PCDHA3: variants seen among roughly 807,000 people sequenced by gnomAD.
PCDHA3 encodes the protein protocadherin alpha-3.
PCDHA3 carries 41 observed loss-of-function variants against 62.2 expected under a neutral mutation model. That is an observed-to-expected ratio of 0.66 (90% CI 0.51 to 0.86). The LOEUF is 0.86. PCDHA3 is among the 40% of genes least tolerant of loss of function. The pLI is 0.00. For synonymous variants in PCDHA3, 640 were observed against 555.4 expected, an observed-to-expected ratio of 1.15 and a Z score of -2.14; for missense variants, 1,304 against 1,241.2, an observed-to-expected ratio of 1.05 and a Z score of -0.76.
At chr5:140,805,405 A>G in intron 1 of PCDHA3, 1 of 1,075,316 alleles carries the variant, frequency 9.3e-7, no homozygotes, top group Non-Finnish European at 1.1e-6. Context: ...TGATTCAGAA[A>G]TTTGGTGGGT....
At chr5:140,809,926 T>C (rs1764568017) in intron 1 of PCDHA3, 1 of 170,806 alleles carries the variant, frequency 5.9e-6, no homozygotes, top group Admixed American at 5.9e-5. Flanking sequence ...TAAAGCTCCA[T>C]AAATTGTATG....
chr5:140,862,327 A>G (rs1317111352), intron 1 of PCDHA3: 1 of 326,932 alleles, frequency 3.1e-6, no homozygotes, highest in Non-Finnish European at 6.0e-6. Context: ...TAATCAGTGT[A>G]ATTGACCCTA....
intron 1 of PCDHA3, among the ~76,000 whole-genome samples, chr5:140,826,973 A>G (rs1483658435): frequency 1.3e-5 from 2 of 152,200 alleles, no homozygotes; most frequent in South Asian, 2.1e-4. Context: ...GGAGTAATTT[A>G]AAAAGTAATA....
intron 1 of PCDHA3, among the ~76,000 whole-genome samples, chr5:140,891,953 T>G (rs1056816293): frequency 6.6e-6 from 1 of 152,238 alleles, no homozygotes; most frequent in African/African-American, 2.4e-5. Flanking sequence ...GCTCCAGAAT[T>G]GTGAGAAGTA....
intron 1 of PCDHA3, among the ~76,000 whole-genome samples, chr5:140,909,449 A>G (rs1301796561): frequency 1.3e-5 from 2 of 152,218 alleles, no homozygotes; most frequent in African/African-American, 4.8e-5. Flanking sequence ...GTCATTCTCC[A>G]AGATCCATCT....
At chr5:140,951,967 C>A (rs2094665815) in intron 1 of PCDHA3, among the ~76,000 whole-genome samples, 1 of 152,166 alleles carries the variant, frequency 6.6e-6, no homozygotes, top group South Asian at 2.1e-4. Context: ...GTAAATACTC[C>A]TGTTCCAAAA....
rs1381463833 is a variant in PCDHA3, at chr5:140,801,123, G to A, written c.-75G>A. On this transcript the variant is annotated 5_prime_UTR_variant, in exon 1 of 4. The change abolishes an upstream ATG in the 5' untranslated region. Transcript: ENST00000522353. The stretch of plus-strand genomic sequence containing the variant: ...TTTAACACCGAGGAGTTTAAGAAAT[G>A]AAGATAAGGAACTCGAATTATTTTT... 3 of 1,517,646 alleles carry A rather than the reference G, an allele frequency of 2.0e-6. No individual in the cohort carries two copies. Among genetic ancestry groups the A allele is most frequent in the Non-Finnish European group, 2.6e-6 (3 of 1,137,614 alleles). 94.0% of individuals were successfully genotyped at this position (1,517,646 alleles called of 1,614,324 possible).
At chr5:140,843,779 T>G (rs1779095351) in intron 1 of PCDHA3, 1 of 1,431,152 alleles carries the variant, frequency 7.0e-7, no homozygotes, top group African/African-American at 1.4e-5. Flanking sequence ...ACTTTAAAAG[T>G]GTTTCAGATT....
At chr5:140,993,468 AC>A (rs2097564676) in intron 3 of PCDHA3, among the ~76,000 whole-genome samples, 1 of 69,412 alleles carries the variant, frequency 1.4e-5, no homozygotes, top group South Asian at 5.5e-4. Context: ...TTTCTCACAC[AC>A]ACACACACAC....
chr5:140,803,997 A>C, intron 1 of PCDHA3: 1 of 267,966 alleles, frequency 3.7e-6, no homozygotes, highest in Middle Eastern at 1.3e-3. Context: ...ACCTGTTAGT[A>C]CAAATGTTAC....
chr5:140,822,949 G>C (rs782104734), intron 1 of PCDHA3: 6 of 1,614,230 alleles, frequency 3.7e-6, no homozygotes, highest in Non-Finnish European at 5.1e-6. Flanking sequence ...AATGCCCCAC[G>C]TTCCCTTCAA....
intron 1 of PCDHA3, among the ~76,000 whole-genome samples, chr5:140,839,832 G>A (rs1196179832): frequency 6.6e-6 from 1 of 152,000 alleles, no homozygotes; most frequent in Admixed American, 6.6e-5. Context: ...CATTCATGAT[G>A]AATCCATGGA....
rs2150259063 is a variant in PCDHA3 at position 140,836,376 on chromosome 5, G to T, written c.2394+32785G>T. ...GCCCTCGCTGACAGCCACAGCCACCGTGCTGGTGTCGCTGGTGGAAAGCGG... is the reference window on the plus strand; with the variant it reads ...GCCCTCGCTGACAGCCACAGCCACCTTGCTGGTGTCGCTGGTGGAAAGCGG... On this transcript the variant is annotated intron_variant, in intron 1 of 3. Coordinates refer to ENST00000522353, the MANE Select transcript of PCDHA3 (RefSeq NM_018906.3). 3.7e-6 allele frequency: 6 copies of T among 1,613,644 alleles called. No homozygotes were observed. In the Admixed American group the frequency reaches 6.7e-5, roughly 18 times the overall value.
At chr5:140,804,157 A>AT (rs1763346788) in intron 1 of PCDHA3, 2 of 152,350 alleles carry the variant, frequency 1.3e-5, no homozygotes, top group South Asian at 2.1e-4. Flanking sequence ...CTCAATCCTT[A>AT]TTTTTTACTT....
At chr5:140,835,975 T>C (rs2150249411) in intron 1 of PCDHA3, 4 of 1,613,318 alleles carry the variant, frequency 2.5e-6, no homozygotes, top group Non-Finnish European at 3.4e-6. Context: ...CTGGAGCTGT[T>C]GCAGTTCCAG....
At chr5:140,815,471 C>T (rs1243746743) in intron 1 of PCDHA3, 2 of 152,062 alleles carry the variant, frequency 1.3e-5, no homozygotes, top group Admixed American at 6.6e-5. Flanking sequence ...ATTATGTTTA[C>T]TTCTCCCCTA....
intron 1 of PCDHA3, chr5:140,856,917 G>C (rs782649806): frequency 6.3e-7 from 1 of 1,595,592 alleles, no homozygotes; most frequent in Non-Finnish European, 8.6e-7. Context: ...ACGATAAGAA[G>C]GAAATTTTGG....
At chr5:140,870,132 C>T (rs371110623) in intron 1 of PCDHA3, 43 of 1,613,852 alleles carry the variant, frequency 2.7e-5, no homozygotes, top group East Asian at 4.5e-5. Context: ...TGGACACCAA[C>T]GATAACTCTC....
chr5:140,980,598 C>G (rs574589264), intron 2 of PCDHA3, among the ~76,000 whole-genome samples: 1 of 152,152 alleles, frequency 6.6e-6, no homozygotes, highest in South Asian at 2.1e-4. Flanking sequence ...CCACTGCACT[C>G]CAGCCTGGCG....
Sources: allele counts gnomAD v4.1 joint callset (sites outside exome capture counted in the v4.1 genomes callset), GRCh38; gene constraint gnomAD v4.1.1; transcripts MANE v1.5; gene names NCBI Gene and HGNC (gene_info 2026-07-23, HGNC 2026-07-21).